Variants in PP2D1 observed in about 807,000 individuals in gnomAD.
The protein encoded by PP2D1 is protein phosphatase 2C-like domain-containing protein 1.
In PP2D1, 25 loss-of-function variants were observed where a neutral mutation model predicts 30.2. That is an observed-to-expected ratio of 0.83 (90% CI 0.60 to 1.16). The LOEUF (loss-of-function observed/expected upper bound fraction) is 1.16. Ranked by LOEUF, PP2D1 falls within the 50% of genes most tolerant of loss-of-function variation. PP2D1 has a pLI of 0.00. For missense variants in PP2D1, 760 were observed against 742.4 expected (o/e 1.02, Z -0.28); for synonymous variants, 260 against 258.9 (o/e 1.00, Z -0.04).
rs1272111570 is a variant in PP2D1, at chr3:20,001,951, C to T, written c.169G>A (p.Val57Ile). ...GGTAATGTGGTCCCTTGCTCATAGA[C>T]CTGCTCCTCTTCATGGCGTTTGGTG... Reference protein sequence around the residue: ...RHTKRHEEEQVYEQGTTLPCS... With the variant: ...RHTKRHEEEQIYEQGTTLPCS... Residue 57 changes from valine (V) to isoleucine (I), a missense_variant, in exon 2 of 3, where the codon GTC (valine) becomes ATC (isoleucine). Transcript: ENST00000389050. 3.0e-5 allele frequency: 46 copies of T among 1,536,186 alleles called. No individual in the cohort carries two copies. The highest frequency in any genetic ancestry group is 2.7e-5 in the African/African-American group (2 of 73,024).
intron 1 of PP2D1, 68 bp from the exon 2 acceptor site, chr3:20,002,164 T>C: frequency 1.0e-6 from 1 of 977,216 alleles, no homozygotes; most frequent in Non-Finnish European, 1.5e-6. Context: ...AGCAGGCTGT[T>C]ATCATTGCAA....
At chr3:20,009,259 G>T (rs1178577536) in intron 1 of PP2D1, among the ~76,000 whole-genome samples, 11 of 152,072 alleles carry the variant, frequency 7.2e-5, no homozygotes. Context: ...GCCAGGAGTT[G>T]GGGACCAGCC....
intron 2 of PP2D1, among the ~76,000 whole-genome samples, chr3:19,995,922 GAA>G (rs1697174456): frequency 6.6e-6 from 1 of 152,092 alleles, no homozygotes; most frequent in Admixed American, 6.6e-5. Flanking sequence ...TGAAACAAAT[GAA>G]AATCAAAATA....
At chr3:20,011,102 T>C (rs1697380380) in intron 1 of PP2D1, among the ~76,000 whole-genome samples, 1 of 152,020 alleles carries the variant, frequency 6.6e-6, no homozygotes, top group African/African-American at 2.4e-5. Flanking sequence ...AACTCACAGC[T>C]GAGACATATT....
At chr3:20,003,572 G>A (rs1396134123) in intron 1 of PP2D1, among the ~76,000 whole-genome samples, 6 of 151,738 alleles carry the variant, frequency 4.0e-5, no homozygotes, top group East Asian at 1.9e-4. Context: ...GTGAAACCCC[G>A]TTTCTACTAA....
chr3:20,000,268 A>C (rs531805876), intron 2 of PP2D1, among the ~76,000 whole-genome samples: 46 of 152,330 alleles, frequency 3.0e-4, no homozygotes, highest in African/African-American at 1.1e-3. Context: ...CTAGATATCA[A>C]AGTTATTGTA....
chr3:20,000,254 A>T (rs911417741), intron 2 of PP2D1, among the ~76,000 whole-genome samples: 1 of 152,206 alleles, frequency 6.6e-6, no homozygotes, highest in African/African-American at 2.4e-5. Context: ...ATACTTAGAT[A>T]TCACTAGATA....
intron 1 of PP2D1, 61 bp from the exon 2 acceptor site, chr3:20,002,157 A>G: frequency 1.8e-6 from 2 of 1,091,984 alleles, no homozygotes; most frequent in Non-Finnish European, 2.6e-6. Flanking sequence ...CTCTTCAAGC[A>G]GGCTGTTATC....
At chr3:19,980,010 T>C (rs545282255) in exon 4 of PP2D1, 1 of 152,366 alleles carries the variant, frequency 6.6e-6, no homozygotes, top group South Asian at 2.1e-4. Context: ...CAGAGTTTAA[T>C]GGTACTTCAT....
chr3:19,991,782 G>A lies in PP2D1; in HGVS notation c.1091-5600C>T, dbSNP rs1278387287. 2.6e-5 allele frequency among the ~76,000 whole-genome samples: 4 copies of A among 152,100 alleles called. No homozygotes were observed. The South Asian group carries it at 6.2e-4, about 24-fold the overall frequency. On this transcript the variant is annotated intron_variant, in intron 2 of 2. Coordinates refer to ENST00000389050, the MANE Select transcript of PP2D1 (RefSeq NM_001252657.2). ...ACACTTATTTAGTGTTCCAAGAAGAGAAAAGCAGGTAGAGAGGCTATTCAA... is the reference window on the plus strand; with the variant it reads ...ACACTTATTTAGTGTTCCAAGAAGAAAAAAGCAGGTAGAGAGGCTATTCAA...
chr3:20,007,033 G>A (rs1027120803), intron 1 of PP2D1, among the ~76,000 whole-genome samples: 1 of 132,240 alleles, frequency 7.6e-6, no homozygotes, highest in African/African-American at 2.8e-5. Flanking sequence ...ACACACACAC[G>A]TATATATATT....
intron 2 of PP2D1, among the ~76,000 whole-genome samples, chr3:19,991,758 C>A (rs1349383039): frequency 6.6e-6 from 1 of 152,048 alleles, no homozygotes; most frequent in African/African-American, 2.4e-5. Context: ...ACACTTGGAA[C>A]ACTTATTTAG....
At chr3:19,992,022 GTC>G (rs1428135033) in intron 2 of PP2D1, among the ~76,000 whole-genome samples, 1 of 152,180 alleles carries the variant, frequency 6.6e-6, no homozygotes, top group East Asian at 1.9e-4. Flanking sequence ...AGGGGAAACA[GTC>G]TGTATCCAGT....
chr3:20,005,613 C>G (rs7643167), intron 1 of PP2D1, among the ~76,000 whole-genome samples: 28,857 of 152,022 alleles, frequency 0.19, 2,669 homozygotes, highest in South Asian at 0.22. Context: ...TAAAACATCT[C>G]AGACACATAA....
intron 2 of PP2D1, among the ~76,000 whole-genome samples, chr3:19,992,954 G>A (rs1217207113): frequency 6.6e-6 from 1 of 152,024 alleles, no homozygotes. Flanking sequence ...GACCGCTTGA[G>A]GCTAGGGGTT....
At chr3:20,003,371 G>T (rs1451661850) in intron 1 of PP2D1, among the ~76,000 whole-genome samples, 1 of 150,408 alleles carries the variant, frequency 6.6e-6, no homozygotes, top group Middle Eastern at 3.2e-3. Flanking sequence ...GCCAAGGTGT[G>T]TATTTTAGTT....
At chr3:19,980,529 T>C (rs1438035089), downstream of PP2D1, among the ~76,000 whole-genome samples, 1 of 152,056 alleles carries the variant, frequency 6.6e-6, no homozygotes, top group Non-Finnish European at 1.5e-5. Context: ...ATAACAACTC[T>C]AATCAATGCA....
intron 2 of PP2D1, among the ~76,000 whole-genome samples, chr3:19,993,609 AGTAAT>A (rs1246808640): frequency 2.0e-5 from 3 of 152,018 alleles, no homozygotes; most frequent in African/African-American, 7.2e-5. Flanking sequence ...GGCACATGCC[AGTAAT>A]CTTAGCTCCT....
intron 2 of PP2D1, among the ~76,000 whole-genome samples, chr3:19,987,071 A>G (rs556465838): frequency 2.0e-5 from 3 of 152,018 alleles, no homozygotes; most frequent in Admixed American, 2.0e-4. Flanking sequence ...CTGTGGAGAA[A>G]TATGTTGTTA....
Sources: gnomAD v4.1 joint callset for allele counts (sites outside exome capture counted in the v4.1 genomes callset) on GRCh38, gnomAD v4.1.1 for gene constraint, MANE v1.5 for transcripts, NCBI Gene and HGNC (gene_info 2026-07-23, HGNC 2026-07-21) for gene names.